Variants in INPP4B observed in about 807,000 individuals in gnomAD.
INPP4B encodes the protein inositol polyphosphate-4-phosphatase type II B.
A neutral mutation model predicts 122.5 loss-of-function variants in INPP4B; 55 were observed. The ratio of observed to expected loss-of-function variants is 0.45; its 90% CI spans 0.36 to 0.56. INPP4B has a LOEUF of 0.56. INPP4B is among the 20% of genes least tolerant of loss of function. The pLI, the probability that INPP4B is intolerant of heterozygous loss-of-function variation, is 0.00. For synonymous variants in INPP4B, 403 were observed against 388.7 expected (o/e 1.04, Z -0.43); for missense variants, 1,000 against 1,097.7 (o/e 0.91, Z 1.26).
intron 3 of INPP4B, among the ~76,000 whole-genome samples, chr4:142,448,641 G>C (rs927756689): frequency 6.6e-6 from 1 of 152,078 alleles, no homozygotes; most frequent in African/African-American, 2.4e-5. Context: ...ATCCAGATGG[G>C]GATTTGCCTT....
intron 12 of INPP4B, 72 bp from the exon 13 acceptor site, chr4:142,209,098 G>A (rs2149528696): frequency 9.3e-7 from 1 of 1,076,798 alleles, no homozygotes; most frequent in Non-Finnish European, 1.3e-6. Context: ...CTTAGTCAGA[G>A]TTGTCAAGAT....
chr4:142,485,578 T>TAA (rs1308171422), intron 2 of INPP4B, among the ~76,000 whole-genome samples: 1 of 152,090 alleles, frequency 6.6e-6, no homozygotes, highest in Non-Finnish European at 1.5e-5. Context: ...TTTACGGAAG[T>TAA]AAAAGTTTAA....
intron 8 of INPP4B, among the ~76,000 whole-genome samples, chr4:142,313,410 A>G (rs1228927113): frequency 2.0e-5 from 3 of 152,214 alleles, no homozygotes; most frequent in Non-Finnish European, 2.9e-5. Context: ...CTCACATTTT[A>G]TGAAGCAGTG....
At chr4:142,224,413 T>C (rs1850648838) in intron 12 of INPP4B, among the ~76,000 whole-genome samples, 1 of 152,122 alleles carries the variant, frequency 6.6e-6, no homozygotes, top group South Asian at 2.1e-4. Flanking sequence ...CATTTTGAAA[T>C]AAAATGAACC....
At chr4:142,080,331 A>G (rs1258193524) in intron 25 of INPP4B, among the ~76,000 whole-genome samples, 1 of 152,158 alleles carries the variant, frequency 6.6e-6, no homozygotes, top group East Asian at 1.9e-4. Flanking sequence ...GTTATTAAAG[A>G]AAAGAACTCA....
At chr4:142,775,531 C>G (rs552731187) in intron 1 of INPP4B, among the ~76,000 whole-genome samples, 1 of 146,466 alleles carries the variant, frequency 6.8e-6, no homozygotes, top group East Asian at 2.0e-4. Flanking sequence ...CACCCCTCCC[C>G]TACTCTCCTC....
rs1763168346 is a variant in INPP4B, at chr4:142,305,890, C to T, written c.424-353G>A. 3 of 1,056,652 alleles carry T rather than the reference C, an allele frequency of 2.8e-6. No individual in the cohort carries two copies. In the South Asian group the frequency reaches 8.6e-5, roughly 30 times the overall value. The allele number at this position is 1,056,652 out of a possible 1,614,324, so 65.5% of individuals were successfully genotyped here. ...TTCCATATTTACCAATGCTGTTGTT[C>T]CTCTTATTAGAATTCCTCAAATCAC... is the stretch of plus-strand genomic sequence containing the variant. On this transcript the variant is annotated intron_variant, in intron 8 of 25. Coordinates refer to ENST00000262992, the MANE Select transcript of INPP4B (RefSeq NM_001101669.3).
chr4:142,734,929 G>A (rs948448210), intron 1 of INPP4B, among the ~76,000 whole-genome samples: 2 of 152,134 alleles, frequency 1.3e-5, no homozygotes, highest in African/African-American at 4.8e-5. Context: ...ACAGGCATTA[G>A]CCACCATGCC....
At chr4:142,732,459 GTC>G (rs3078740) in intron 1 of INPP4B, among the ~76,000 whole-genome samples, 2,017 of 152,004 alleles carry the variant, frequency 0.013, 39 homozygotes, top group African/African-American at 0.046. Context: ...TTTTTAAAGA[GTC>G]TGCAGAAAAC....
intron 1 of INPP4B, among the ~76,000 whole-genome samples, chr4:142,764,194 T>A (rs189251985): frequency 2.0e-3 from 300 of 152,242 alleles, no homozygotes; most frequent in African/African-American, 6.8e-3. Context: ...ACATCTGAAA[T>A]ACAAACTGCA....
chr4:142,630,004 G>A (rs1467538323), intron 2 of INPP4B, among the ~76,000 whole-genome samples: 1 of 152,078 alleles, frequency 6.6e-6, no homozygotes, highest in Admixed American at 6.6e-5. Flanking sequence ...CTAGACATTT[G>A]CTAGGATTCT....
intron 25 of INPP4B, among the ~76,000 whole-genome samples, chr4:142,038,633 T>C (rs1745416429): frequency 1.3e-5 from 2 of 152,124 alleles, no homozygotes; most frequent in South Asian, 2.1e-4. Flanking sequence ...ATAGTGGGGT[T>C]TGGGAAACCT....
At chr4:142,314,621 T>C in intron 8 of INPP4B, 91 bp downstream of exon 8, 1 of 1,185,016 alleles carries the variant, frequency 8.4e-7, no homozygotes, top group Non-Finnish European at 1.2e-6. Flanking sequence ...TCAATTTTAT[T>C]TGTCAGTTAC....
At chr4:142,491,427 G>A (rs1230111372) in intron 2 of INPP4B, among the ~76,000 whole-genome samples, 1 of 152,108 alleles carries the variant, frequency 6.6e-6, no homozygotes, top group Non-Finnish European at 1.5e-5. Flanking sequence ...GCCAAGGCAG[G>A]TGAATCATCT....
chr4:142,333,020 A>AC lies in INPP4B; in HGVS notation c.373-18259_373-18258insG, dbSNP rs1399147892. 5.0e-4 allele frequency among the ~76,000 whole-genome samples: 75 copies of AC among 150,456 alleles called. 2 individuals carry two copies. Among genetic ancestry groups the AC allele is most frequent in the African/African-American group, 1.8e-3 (74 of 40,770 alleles). ...AGCAAGACTCCGTCTCAAAAAAAAA[A>AC]AAAAAAACAAAAAAAAAACCTTCTA... On this transcript the variant is annotated intron_variant, in intron 7 of 25. Coordinates refer to ENST00000262992, the MANE Select transcript of INPP4B (RefSeq NM_001101669.3).
intron 9 of INPP4B, among the ~76,000 whole-genome samples, chr4:142,271,234 C>T (rs1413194081): frequency 6.6e-6 from 1 of 152,134 alleles, no homozygotes; most frequent in Non-Finnish European, 1.5e-5. Flanking sequence ...TGAGCTACTG[C>T]ATGTTGTTTT....
At chr4:142,806,003 G>C (rs924888537) in intron 1 of INPP4B, among the ~76,000 whole-genome samples, 1 of 152,086 alleles carries the variant, frequency 6.6e-6, no homozygotes, top group African/African-American at 2.4e-5. Context: ...AAAAGAGGCC[G>C]GGTGCAGTAG....
intron 2 of INPP4B, among the ~76,000 whole-genome samples, chr4:142,594,124 A>C (rs1738151936): frequency 1.3e-5 from 2 of 152,224 alleles, no homozygotes; most frequent in Admixed American, 1.3e-4. Context: ...TAAAAATATT[A>C]ACAATTCCAT....
intron 2 of INPP4B, among the ~76,000 whole-genome samples, chr4:142,682,651 G>C (rs545710059): frequency 6.6e-6 from 1 of 151,832 alleles, no homozygotes. Flanking sequence ...TATTGCATGA[G>C]AGCAGAAAAT....
Sources: gnomAD v4.1 joint callset for allele counts (sites outside exome capture counted in the v4.1 genomes callset) on GRCh38, gnomAD v4.1.1 for gene constraint, MANE v1.5 for transcripts, NCBI Gene and HGNC (gene_info 2026-07-23, HGNC 2026-07-21) for gene names.